The following FLNB variants were observed in gnomAD, a reference collection of about 807,000 sequenced individuals.
FLNB encodes filamin-B.
In FLNB, 111 loss-of-function variants were observed where a neutral mutation model predicts 250.6. The ratio of observed to expected loss-of-function variants is 0.44; its 90% CI spans 0.38 to 0.52. FLNB has a LOEUF of 0.52. FLNB is among the 20% of genes least tolerant of loss of function. The pLI, the probability that FLNB is intolerant of heterozygous loss-of-function variation, is 0.00. For synonymous variants in FLNB, 1,302 were observed against 1,372.1 expected (o/e 0.95, Z 1.13); for missense variants, 2,869 against 3,447.8 (o/e 0.83, Z 4.20).
At chr3:58,024,011 T>G (rs2097118840) in intron 1 of FLNB, among the ~76,000 whole-genome samples, 1 of 152,228 alleles carries the variant, frequency 6.6e-6, no homozygotes, top group Non-Finnish European at 1.5e-5. Flanking sequence ...TGGTTCACCC[T>G]TGACTGCCTG....
chr3:58,121,547 A>G (rs1176986445), intron 20 of FLNB, 44 bp downstream of exon 20: 2 of 1,609,434 alleles, frequency 1.2e-6, no homozygotes, highest in South Asian at 1.1e-5. Flanking sequence ...ATTGCTGTCA[A>G]ACATGACACC....
intron 4 of FLNB, among the ~76,000 whole-genome samples, chr3:58,085,129 C>T (rs1005355325): frequency 2.6e-5 from 4 of 152,208 alleles, no homozygotes; most frequent in African/African-American, 9.7e-5. Context: ...AATAATGCTG[C>T]TATGAAAACA....
rs1354829927 is a variant in FLNB, at chr3:58,118,965, A to G, written c.2839A>G (p.Ile947Val). 6.2e-7 allele frequency: 1 copy of G among 1,613,834 alleles called. No homozygotes were observed. Among genetic ancestry groups the G allele is most frequent in the African/African-American group, 1.3e-5 (1 of 75,028 alleles). The change falls in exon 19 of 46, where the codon ATA becomes GTA. Residue 947 changes from isoleucine to valine, a missense_variant. By Grantham distance (29) the Ile-to-Val change is conservative (BLOSUM62 3). Coordinates refer to ENST00000295956, the MANE Select transcript of FLNB (RefSeq NM_001457.4). ...TGCTGCACCGCTGGATCTGAGCAAGATAAAACTCAATGGGCTGGAAAACAG... is the reference window on the plus strand; with the variant it reads ...TGCTGCACCGCTGGATCTGAGCAAGGTAAAACTCAATGGGCTGGAAAACAG... ...GVAAPLDLSK[I>V]KLNGLENRVE...
chr3:58,094,556 C>T (rs958947642), intron 4 of FLNB, among the ~76,000 whole-genome samples: 1 of 152,262 alleles, frequency 6.6e-6, no homozygotes, highest in African/African-American at 2.4e-5. Flanking sequence ...TCAAGGCAAG[C>T]TCTGCTACTA....
At chr3:58,109,100 T>A in intron 13 of FLNB, 79 bp from the exon 14 acceptor site, 1 of 1,582,630 alleles carries the variant, frequency 6.3e-7, no homozygotes, top group East Asian at 2.2e-5. Context: ...GACTTGGCTG[T>A]CTTGGGAGGC....
intron 18 of FLNB, 106 bp downstream of exon 18, chr3:58,112,424 C>A: frequency 4.3e-6 from 5 of 1,173,970 alleles, no homozygotes; most frequent in African/African-American, 1.5e-5. Context: ...GGTGCTCTGC[C>A]AAAGTGCTCC....
intron 25 of FLNB, among the ~76,000 whole-genome samples, chr3:58,131,387 TGGGGAATG>T (rs2097307117): frequency 6.6e-6 from 1 of 152,274 alleles, no homozygotes; most frequent in Admixed American, 6.5e-5. Context: ...GAGTGTGTCT[TGGGGAATG>T]GGCTTTGTTG....
intron 38 of FLNB, chr3:58,152,774 C>G (rs754975036): frequency 1.1e-5 from 15 of 1,335,720 alleles, no homozygotes; most frequent in Non-Finnish European, 1.4e-5. Flanking sequence ...CATACTGGCT[C>G]TAGGTGATGG....
At chr3:58,021,194 C>T (rs1210677005) in intron 1 of FLNB, among the ~76,000 whole-genome samples, 1 of 152,152 alleles carries the variant, frequency 6.6e-6, no homozygotes, top group Admixed American at 6.5e-5. Flanking sequence ...TGCTTCTTGC[C>T]CAGGAACAAA....
rs145482381 is a variant in FLNB at position 58,049,332 on chromosome 3, G to A, written c.293-27714G>A. 1.5e-4 allele frequency among the ~76,000 whole-genome samples: 23 copies of A among 152,352 alleles called. No homozygotes were observed. The East Asian group carries it at 4.4e-3, about 29-fold the overall frequency. On this transcript the variant is annotated intron_variant, in intron 1 of 45. Coordinates refer to ENST00000295956, the MANE Select transcript of FLNB (RefSeq NM_001457.4). ...AGAAGGGCCTTGGAGGAGGAGCAAA[G>A]TGTAGTGGTATCTCCGTGCTGTGGC...
rs763058604 is a variant in FLNB at position 58,153,415 on chromosome 3, C to T, written c.6408C>T (p.Pro2136=). Residue 2136 remains proline, a synonymous_variant, in exon 39 of 46, where the codon CCC becomes CCT. Coordinates refer to ENST00000295956, the MANE Select transcript of FLNB (RefSeq NM_001457.4). ...ATATGTCGGCCCACGTCACCAGCCC[C>T]TCTGGCCGTGTGACTGAGGCAGAGA... is the stretch of plus-strand genomic sequence containing the variant. ...SSDMSAHVTS[P]SGRVTEAEIV... is the part of the protein sequence containing the mutation. The T allele has an allele frequency of 2.5e-6, 4 of 1,614,268 alleles. No individual in the cohort carries two copies. In the South Asian group the frequency reaches 4.4e-5, roughly 18 times the overall value.
Position 58,143,457 on chromosome 3 carries a change from T to C in FLNB, c.5285-16T>C. 1 of 1,614,154 alleles carries C rather than the reference T, an allele frequency of 6.2e-7. No individual in the cohort carries two copies. The highest frequency in any genetic ancestry group is 8.5e-7 in the Non-Finnish European group (1 of 1,180,006). On this transcript the variant is annotated splice_polypyrimidine_tract_variant and intron_variant, in intron 31 of 45. Transcript: ENST00000295956. ...TGCTGGTGGGCTTCATTGCCCCGTC[T>C]CTCTGTGCTCCATAGGAGAGGTCCA...
At chr3:58,064,465 A>T (rs1018280735) in intron 1 of FLNB, among the ~76,000 whole-genome samples, 1 of 152,158 alleles carries the variant, frequency 6.6e-6, no homozygotes. Flanking sequence ...CCTGGCTGGC[A>T]GTTAGGAAAT....
intron 1 of FLNB, among the ~76,000 whole-genome samples, chr3:58,020,051 GTGT>G (rs1559639402): frequency 3.5e-4 from 11 of 31,116 alleles, no homozygotes; most frequent in South Asian, 2.6e-3. Flanking sequence ...CCACAGGGGT[GTGT>G]GTGTGTGTGT....
chr3:58,034,309 G>A (rs1344663707), intron 1 of FLNB, among the ~76,000 whole-genome samples: 2 of 152,106 alleles, frequency 1.3e-5, no homozygotes, highest in South Asian at 2.1e-4. Flanking sequence ...TTCCCAAAGT[G>A]GTTGTATTGT....
At position 58,131,959 on chromosome 3, in the gene FLNB, C is replaced by T. The variant is rs1255775995; in HGVS notation, c.4391-849C>T. ...CACGGATTCCCAGTCATGGCGCAGCCCCTTGAAAGCCCTTTCAGAGTTCTT... is the reference window on the plus strand; with the variant it reads ...CACGGATTCCCAGTCATGGCGCAGCTCCTTGAAAGCCCTTTCAGAGTTCTT... On this transcript the variant is annotated intron_variant, in intron 25 of 45. Coordinates refer to ENST00000295956, the MANE Select transcript of FLNB (RefSeq NM_001457.4). The T allele has an allele frequency of 2.6e-6, 4 of 1,537,190 alleles. No individual in the cohort carries two copies. The Admixed American group carries it at 7.8e-5, about 30-fold the overall frequency.
At chr3:58,101,043 T>C (rs2097250242) in intron 8 of FLNB, among the ~76,000 whole-genome samples, 1 of 152,164 alleles carries the variant, frequency 6.6e-6, no homozygotes, top group Non-Finnish European at 1.5e-5. Flanking sequence ...AAAGAAACTT[T>C]ATATCACTTT....
chr3:58,109,927 G>C (rs1363502290), intron 15 of FLNB, 83 bp from the exon 16 acceptor site: 2 of 1,560,930 alleles, frequency 1.3e-6, no homozygotes, highest in African/African-American at 2.7e-5. Context: ...ATTGCTTTTT[G>C]AGGGTGTTAA....
chr3:58,148,809 G>A lies in FLNB; in HGVS notation c.6048G>A (p.Arg2016=). 6.2e-7 allele frequency: 1 copy of A among 1,613,906 alleles called. No homozygotes were observed. The highest frequency in any genetic ancestry group is 1.1e-5 in the South Asian group (1 of 91,064). ...KVYGRGLSEG[R]TFEMSDFIVD... Reference sequence around the variant, plus strand: ...ATGGCCGCGGCCTGTCAGAAGGCCGGACTTTCGAGATGTCTGACTTCATCG... The same window carrying A: ...ATGGCCGCGGCCTGTCAGAAGGCCGAACTTTCGAGATGTCTGACTTCATCG... The change falls in exon 36 of 46, where the codon CGG becomes CGA. Residue 2016 remains arginine (R), a synonymous_variant. Transcript: ENST00000295956.
Sources: allele counts gnomAD v4.1 joint callset (sites outside exome capture counted in the v4.1 genomes callset), GRCh38; gene constraint gnomAD v4.1.1; transcripts MANE v1.5; gene names NCBI Gene and HGNC (gene_info 2026-07-23, HGNC 2026-07-21).